Variants in ODAD2 observed in about 807,000 individuals in gnomAD.
The protein encoded by ODAD2 is outer dynein arm-docking complex subunit 2.
A neutral mutation model predicts 106.8 loss-of-function variants in ODAD2; 89 were observed. The ratio of observed to expected loss-of-function variants is 0.83; its 90% CI spans 0.70 to 0.99. The LOEUF is 0.99. Among genes scored for constraint, ODAD2 ranks in the 50% least tolerant of loss-of-function variants. The probability of loss-of-function intolerance (pLI) is 0.00; values close to 1 mark genes in which losing one functional copy is unlikely to be tolerated. For missense variants in ODAD2, 1,168 were observed against 1,238.5 expected (o/e 0.94, Z 0.85); for synonymous variants, 404 against 436.2 (o/e 0.93, Z 0.92).
rs75800332 is a variant in ODAD2, at chr10:27,897,682, G to A, written c.2610+9981C>T. Among the ~76,000 whole-genome samples the A allele has an allele frequency of 3.5e-3, 540 of 152,170 alleles. 5 individuals carry two copies. In the East Asian group the frequency reaches 0.036, roughly 10 times the overall value. ...CTTGTTGACGATTCTTCAAATGTTCGTGTTGCCGCAATGATAAATGCATAC... is the reference window on the plus strand; with the variant it reads ...CTTGTTGACGATTCTTCAAATGTTCATGTTGCCGCAATGATAAATGCATAC... On this transcript the variant is annotated intron_variant, in intron 17 of 19. Transcript: ENST00000305242.
chr10:27,859,195 A>G (rs1839870607), intron 19 of ODAD2, among the ~76,000 whole-genome samples: 4 of 152,256 alleles, frequency 2.6e-5, no homozygotes, highest in Middle Eastern at 3.4e-3. Context: ...AGCATTCCTG[A>G]ACAACTTGAA....
intron 16 of ODAD2, among the ~76,000 whole-genome samples, chr10:27,923,691 T>C (rs959288994): frequency 4.6e-5 from 7 of 152,040 alleles, no homozygotes; most frequent in Admixed American, 2.6e-4. Flanking sequence ...CTCACACCTG[T>C]AATCTCAGTG....
At chr10:27,951,420 C>T (rs1173878434) in intron 10 of ODAD2, among the ~76,000 whole-genome samples, 1 of 106,886 alleles carries the variant, frequency 9.4e-6, no homozygotes, top group Non-Finnish European at 2.1e-5. Context: ...TAAGTTAATG[C>T]AAAGAGAAAA....
intron 17 of ODAD2, among the ~76,000 whole-genome samples, chr10:27,883,535 G>T (rs1428331539): frequency 6.6e-6 from 1 of 152,042 alleles, no homozygotes; most frequent in Non-Finnish European, 1.5e-5. Context: ...TGCACCAGAG[G>T]AAAAAGCATT....
At chr10:27,994,261 A>T (rs1850415029) in intron 2 of ODAD2, among the ~76,000 whole-genome samples, 1 of 151,848 alleles carries the variant, frequency 6.6e-6, no homozygotes, top group African/African-American at 2.4e-5. Context: ...ATTGGGCAAA[A>T]TCAAAATTCA....
At chr10:27,876,796 T>C (rs1841371374) in intron 17 of ODAD2, among the ~76,000 whole-genome samples, 3 of 152,166 alleles carry the variant, frequency 2.0e-5, no homozygotes. Context: ...ACTTACTGTG[T>C]TACAACTTAT....
chr10:27,965,344 G>C (rs1482379558), intron 9 of ODAD2, among the ~76,000 whole-genome samples: 3 of 152,180 alleles, frequency 2.0e-5, no homozygotes, highest in Non-Finnish European at 4.4e-5. Flanking sequence ...AAGGAGAACA[G>C]CTGCTGTCAC....
chr10:27,971,330 A>G lies in ODAD2; in HGVS notation c.937-17T>C. On this transcript the variant is annotated splice_polypyrimidine_tract_variant and intron_variant, in intron 7 of 19. Coordinates refer to ENST00000305242, the MANE Select transcript of ODAD2 (RefSeq NM_018076.5). ...GCTAATTCCCTTTATTTAAAAAATG[A>G]GAATAATTTTTAATGATATCTGAAT... is the stretch of plus-strand genomic sequence containing the variant. 2 of 1,566,578 alleles carry G rather than the reference A, an allele frequency of 1.3e-6. No individual in the cohort carries two copies. Among genetic ancestry groups the G allele is most frequent in the Non-Finnish European group, 8.6e-7 (1 of 1,159,114 alleles).
chr10:27,983,778 T>G, intron 6 of ODAD2, 65 bp downstream of exon 6: 12 of 1,468,292 alleles, frequency 8.2e-6, no homozygotes, highest in Non-Finnish European at 1.1e-5. Context: ...GACACACCCT[T>G]GAGACATCTA....
intron 12 of ODAD2, among the ~76,000 whole-genome samples, chr10:27,942,411 A>G (rs1387883869): frequency 1.3e-5 from 2 of 152,202 alleles, no homozygotes; most frequent in East Asian, 3.8e-4. Flanking sequence ...AAAATGCCAT[A>G]GGAACTTAAT....
chr10:27,888,424 T>C (rs1842368597), intron 17 of ODAD2, among the ~76,000 whole-genome samples: 1 of 152,196 alleles, frequency 6.6e-6, no homozygotes, highest in Non-Finnish European at 1.5e-5. Context: ...TGATTGGTGA[T>C]ATTGAGCAGT....
chr10:27,904,384 G>C (rs1220674508), intron 17 of ODAD2: 2 of 184,886 alleles, frequency 1.1e-5, no homozygotes, highest in Non-Finnish European at 2.3e-5. Context: ...GCTGAGGCAT[G>C]AGAATTGCTT....
chr10:27,953,771 C>T (rs1847529341), intron 10 of ODAD2, among the ~76,000 whole-genome samples: 1 of 152,078 alleles, frequency 6.6e-6, no homozygotes, highest in Non-Finnish European at 1.5e-5. Flanking sequence ...CTTTGCATGG[C>T]TTGAAGTTTC....
chr10:27,840,822 G>T (rs1838254328), intron 19 of ODAD2, among the ~76,000 whole-genome samples: 1 of 152,214 alleles, frequency 6.6e-6, no homozygotes, highest in Non-Finnish European at 1.5e-5. Flanking sequence ...TCTCTTTGGT[G>T]CATAAGTTTG....
At chr10:27,880,785 T>C (rs1404134010) in intron 17 of ODAD2, among the ~76,000 whole-genome samples, 1 of 152,194 alleles carries the variant, frequency 6.6e-6, no homozygotes, top group Non-Finnish European at 1.5e-5. Context: ...TTGTAAGACA[T>C]AAATTTCTGT....
intron 7 of ODAD2, among the ~76,000 whole-genome samples, chr10:27,979,524 C>T (rs1258535012): frequency 6.6e-6 from 1 of 151,504 alleles, no homozygotes; most frequent in Non-Finnish European, 1.5e-5. Flanking sequence ...TTTTAACACT[C>T]AAAAATTAGA....
chr10:27,924,492 A>C (rs1486546441), intron 16 of ODAD2, among the ~76,000 whole-genome samples: 1 of 150,760 alleles, frequency 6.6e-6, no homozygotes, highest in Non-Finnish European at 1.5e-5. Context: ...AAATGAATAA[A>C]GATAAAACCA....
chr10:27,945,344 A>G (rs1303039427), intron 10 of ODAD2, among the ~76,000 whole-genome samples: 1 of 152,230 alleles, frequency 6.6e-6, no homozygotes, highest in Non-Finnish European at 1.5e-5. Context: ...TTATTCCTAC[A>G]GATGTGCATA....
At chr10:27,861,140 C>T (rs374795213) in intron 18 of ODAD2, among the ~76,000 whole-genome samples, 126 of 152,190 alleles carry the variant, frequency 8.3e-4, no homozygotes, top group Admixed American at 3.1e-3. Context: ...TACAGGTGCC[C>T]GCCACCACAC....
Sources: allele counts gnomAD v4.1 joint callset (sites outside exome capture counted in the v4.1 genomes callset), GRCh38; gene constraint gnomAD v4.1.1; transcripts MANE v1.5; gene names NCBI Gene and HGNC (gene_info 2026-07-23, HGNC 2026-07-21).